The following BIRC6 variants were observed in gnomAD, a reference collection of about 807,000 sequenced individuals.
The protein encoded by BIRC6 is dual E2 ubiquitin-conjugating enzyme/E3 ubiquitin-protein ligase BIRC6.
Under a neutral mutation model 503.3 loss-of-function variants are expected in BIRC6, and 98 were observed. The observed-to-expected ratio is 0.19, with a 90% CI of 0.17 to 0.23. The LOEUF (loss-of-function observed/expected upper bound fraction) is 0.23. BIRC6 is among the 10% of genes least tolerant of loss of function. The pLI is 1.00. For missense variants in BIRC6, 5,360 were observed against 5,806.0 expected (o/e 0.92, Z 2.50); for synonymous variants, 2,240 against 2,078.7 (o/e 1.08, Z -2.11).
intron 65 of BIRC6, among the ~76,000 whole-genome samples, chr2:32,571,378 C>CTTTTT (rs61599835): frequency 0.027 from 554 of 20,248 alleles, 15 homozygotes; most frequent in Middle Eastern, 0.045. Context: ...TGGTCCTGGG[C>CTTTTT]TTTTTTTTTT....
At chr2:32,564,685 G>A (rs2059414955) in intron 65 of BIRC6, 1 of 152,156 alleles carries the variant, frequency 6.6e-6, no homozygotes, top group South Asian at 2.1e-4. Context: ...CCATGAGTGG[G>A]GGCTGGCTAG....
At chr2:32,506,742 T>G (rs2053840693) in intron 50 of BIRC6, among the ~76,000 whole-genome samples, 1 of 152,230 alleles carries the variant, frequency 6.6e-6, no homozygotes, top group Admixed American at 6.5e-5. Context: ...TGAAAATATG[T>G]TGTGATACAG....
chr2:32,389,426 TAAC>T (rs1318346236), intron 4 of BIRC6, among the ~76,000 whole-genome samples: 2 of 152,010 alleles, frequency 1.3e-5, no homozygotes, highest in East Asian at 3.9e-4. Context: ...AATTTTGAGT[TAAC>T]AATTTTTTAT....
intron 10 of BIRC6, among the ~76,000 whole-genome samples, chr2:32,424,659 C>T (rs370211766): frequency 2.6e-5 from 4 of 151,930 alleles, no homozygotes; most frequent in Admixed American, 6.6e-5. Flanking sequence ...GGATTAGGCA[C>T]GCACCACCAC....
intron 65 of BIRC6, among the ~76,000 whole-genome samples, chr2:32,559,457 G>A (rs1041509589): frequency 6.6e-6 from 1 of 152,192 alleles, no homozygotes; most frequent in Non-Finnish European, 1.5e-5. Context: ...TAAATTTGAA[G>A]ACATCTAAGG....
In BIRC6 at chr2:32,618,041, T is replaced by C. The variant is rs2063350255; in HGVS notation, c.*137T>C. On this transcript the variant is annotated 3_prime_UTR_variant, in exon 74 of 74. Coordinates refer to ENST00000421745, the MANE Select transcript of BIRC6 (RefSeq NM_016252.4). ...ACTATGCCCTTAAGGAGATCCAGTT[T>C]AATTCAAGGTGATCTTTTATTTACC... The C allele has an allele frequency of 3.6e-6, 3 of 840,928 alleles. No homozygotes were observed. The highest frequency in any genetic ancestry group is 5.3e-6 in the Non-Finnish European group (3 of 570,654). 52.1% of individuals were successfully genotyped at this position (840,928 alleles called of 1,614,324 possible). A position where few individuals can be genotyped will look rare whatever the true frequency, so the allele number is the denominator to read the frequency against.
chr2:32,460,085 A>C (rs2047662633), intron 23 of BIRC6, among the ~76,000 whole-genome samples: 1 of 146,216 alleles, frequency 6.8e-6, no homozygotes, highest in African/African-American at 2.5e-5. Flanking sequence ...GTCTTCCTAT[A>C]TGTTGTTGAA....
rs752566294 is a variant in BIRC6 at position 32,478,679 on chromosome 2, G to A, written c.7113G>A (p.Leu2371=). ...IANATRPTIH[L]CEIVNEPQLE... is the part of the protein sequence containing the mutation. ...ATGCCACGAGGCCAACTATTCATCTGTGTGAGATTGTGAACGAACCCCAGC... is the reference window on the plus strand; with the variant it reads ...ATGCCACGAGGCCAACTATTCATCTATGTGAGATTGTGAACGAACCCCAGC... Residue 2371 remains leucine (L), a synonymous_variant, in exon 36 of 74, where the codon CTG becomes CTA. Coordinates refer to ENST00000421745, the MANE Select transcript of BIRC6 (RefSeq NM_016252.4). 6.2e-7 allele frequency: 1 copy of A among 1,613,912 alleles called. No individual in the cohort carries two copies. Among genetic ancestry groups the A allele is most frequent in the Admixed American group, 1.7e-5 (1 of 60,004 alleles).
At chr2:32,456,915 G>A (rs536745162) in intron 23 of BIRC6, among the ~76,000 whole-genome samples, 30 of 152,034 alleles carry the variant, frequency 2.0e-4, no homozygotes, top group African/African-American at 6.5e-4. Flanking sequence ...GGAATTCTTC[G>A]ATCATTATGA....
At chr2:32,363,555 C>G (rs2034436383) in intron 1 of BIRC6, among the ~76,000 whole-genome samples, 1 of 152,052 alleles carries the variant, frequency 6.6e-6, no homozygotes, top group African/African-American at 2.4e-5. Context: ...TCTCTTACTT[C>G]CTGAAATAAT....
chr2:32,392,687 A>T (rs572633674), intron 5 of BIRC6, among the ~76,000 whole-genome samples: 1 of 152,128 alleles, frequency 6.6e-6, no homozygotes, highest in African/African-American at 2.4e-5. Context: ...CAGTGGCCCT[A>T]TCACCACTCA....
intron 66 of BIRC6, among the ~76,000 whole-genome samples, chr2:32,585,146 G>T (rs1450536922): frequency 6.6e-6 from 1 of 152,082 alleles, no homozygotes; most frequent in African/African-American, 2.4e-5. Context: ...GTAGCAAAGG[G>T]TATATATCAG....
At chr2:32,427,442 C>T (rs1288680121) in intron 10 of BIRC6, among the ~76,000 whole-genome samples, 2 of 152,026 alleles carry the variant, frequency 1.3e-5, no homozygotes, top group South Asian at 2.1e-4. Flanking sequence ...CCTGCCACCA[C>T]GCCTGTCTAA....
chr2:32,599,510 C>A (rs1299718988), intron 69 of BIRC6, among the ~76,000 whole-genome samples: 1 of 150,340 alleles, frequency 6.7e-6, no homozygotes, highest in African/African-American at 2.5e-5. Context: ...TGTTGGCAGG[C>A]ACGTGTGTTC....
At chr2:32,615,707 T>G (rs2063182478) in intron 73 of BIRC6, among the ~76,000 whole-genome samples, 1 of 152,184 alleles carries the variant, frequency 6.6e-6, no homozygotes, top group Non-Finnish European at 1.5e-5. Flanking sequence ...CGATCTCAGC[T>G]CACTGGAACC....
chr2:32,499,152 T>C (rs2052846391), intron 45 of BIRC6, among the ~76,000 whole-genome samples: 1 of 152,264 alleles, frequency 6.6e-6, no homozygotes, highest in Admixed American at 6.5e-5. Flanking sequence ...TTAATTTTTA[T>C]GTATCATTAT....
intron 36 of BIRC6, 143 bp from the exon 37 acceptor site, chr2:32,479,319 T>TG: frequency 1.4e-6 from 1 of 721,912 alleles, no homozygotes; most frequent in Non-Finnish European, 2.2e-6. Flanking sequence ...CTTACGGGGG[T>TG]GGGAACTCAT....
intron 46 of BIRC6, among the ~76,000 whole-genome samples, chr2:32,500,606 G>GTTTTTTTTTTTTTTT (rs758919928): frequency 2.5e-5 from 3 of 118,296 alleles, no homozygotes; most frequent in Non-Finnish European, 3.4e-5. Context: ...TTTTGTTTTT[G>GTTTTTTTTTTTTTTT]TTTTTTTTTT....
At chr2:32,385,652 T>G (rs2038340658) in intron 3 of BIRC6, among the ~76,000 whole-genome samples, 2 of 152,214 alleles carry the variant, frequency 1.3e-5, no homozygotes, top group South Asian at 4.1e-4. Flanking sequence ...TGCTGTGGAC[T>G]TCTAGTGTCA....
Sources: allele counts gnomAD v4.1 joint callset (sites outside exome capture counted in the v4.1 genomes callset), GRCh38; gene constraint gnomAD v4.1.1; transcripts MANE v1.5; gene names NCBI Gene and HGNC (gene_info 2026-07-23, HGNC 2026-07-21).